RETREG2: variants seen among roughly 807,000 people sequenced by gnomAD.
The protein encoded by RETREG2 is reticulophagy regulator 2.
Under a neutral mutation model 51.6 loss-of-function variants are expected in RETREG2, and 21 were observed. That is an observed-to-expected ratio of 0.41 (90% CI 0.29 to 0.59). The LOEUF is 0.59. Ranked by LOEUF, RETREG2 falls within the 20% of genes least tolerant of loss-of-function variation. The probability of loss-of-function intolerance (pLI) is 0.34; values close to 1 mark genes in which losing one functional copy is unlikely to be tolerated. For synonymous variants in RETREG2, 339 were observed against 288.6 expected (o/e 1.17, Z -1.77); for missense variants, 674 against 646.0 (o/e 1.04, Z -0.47).
Position 219,180,481 on chromosome 2 carries a change from C to T in RETREG2, c.556-189C>T, listed in dbSNP as rs543075382. 1.5e-4 allele frequency among the ~76,000 whole-genome samples: 23 copies of T among 152,360 alleles called. No homozygotes were observed. In the East Asian group the frequency reaches 4.2e-3, roughly 28 times the overall value. On this transcript the variant is annotated intron_variant, in intron 4 of 8. Transcript: ENST00000430297. ...TGCCAAGGCAGACCAGTGTGAATTA[C>T]AGGTGGTGGGCATTATGTATTGCCA...
At chr2:219,178,767 C>T in intron 1 of RETREG2, 134 bp downstream of exon 1, 1 of 1,180,712 alleles carries the variant, frequency 8.5e-7, no homozygotes, top group Non-Finnish European at 1.2e-6. Context: ...CTGACATCCG[C>T]TTGAATTGCC....
rs943833685 is a variant in RETREG2, at chr2:219,179,165, G to T, written c.388+137G>T. On this transcript the variant is annotated intron_variant, in intron 2 of 8. Coordinates refer to ENST00000430297, the MANE Select transcript of RETREG2 (RefSeq NM_024293.6). ...GCATGGCCCACTTCCTTTTTGTACGGAATTCCCTAAAATGAGAATTGCCCC... is the reference window on the plus strand; with the variant it reads ...GCATGGCCCACTTCCTTTTTGTACGTAATTCCCTAAAATGAGAATTGCCCC... 25 of 733,898 alleles carry T rather than the reference G, an allele frequency of 3.4e-5. No individual in the cohort carries two copies. In the South Asian group the frequency reaches 3.6e-4, roughly 11 times the overall value. The allele number at this position is 733,898 out of a possible 1,614,324, so 45.5% of individuals were successfully genotyped here. A position where few individuals can be genotyped will look rare whatever the true frequency, so the allele number is the denominator to read the frequency against.
chr2:219,178,436 G>C lies in RETREG2; in HGVS notation c.84G>C (p.Leu28=). ...MGLSLGLGLG[L]SLGMSEATSE... ...TGAGCCTGGGCCTGGGTCTGGGTCT[G>C]AGCCTAGGCATGAGTGAGGCCACCA... Residue 28 remains leucine, a synonymous_variant, in exon 1 of 9, where the codon CTG becomes CTC. Transcript: ENST00000430297. The C allele has an allele frequency of 1.4e-6, 1 of 705,308 alleles. No individual in the cohort carries two copies. The highest frequency in any genetic ancestry group is 2.2e-6 in the Non-Finnish European group (1 of 445,732). 43.7% of individuals were successfully genotyped at this position (705,308 alleles called of 1,614,324 possible).
In RETREG2 at chr2:219,184,528, G is replaced by C. The variant is rs1950323877; in HGVS notation, c.*1899G>C. On this transcript the variant is annotated 3_prime_UTR_variant, in exon 9 of 9. Coordinates refer to ENST00000430297, the MANE Select transcript of RETREG2 (RefSeq NM_024293.6). ...TCACATTTGACTGAGAATCATTCTA[G>C]GGTTTGATTGAGCCCCTGTCCTGTG... The C allele has an allele frequency of 6.6e-6, 1 of 152,066 alleles. No homozygotes were observed. The highest frequency in any genetic ancestry group is 2.4e-5 in the African/African-American group (1 of 41,384). The allele number at this position is 152,066 out of a possible 1,614,324, so 9.4% of individuals were successfully genotyped here.
chr2:219,179,734 A>G lies in RETREG2; in HGVS notation c.390A>G (p.Ala130=). 3 of 1,614,048 alleles carry G rather than the reference A, an allele frequency of 1.9e-6. No homozygotes were observed. Among genetic ancestry groups the G allele is most frequent in the Non-Finnish European group, 2.5e-6 (3 of 1,179,954 alleles). ...WQPRFLPDVS[A]SSPEEPHSDS... ...TTTGCCCCCCTCCTCTCTCTCTAGC[A>G]TCATCCCCAGAGGAGCCACACTCTG... Residue 130 remains alanine, a splice_region_variant and synonymous_variant, in exon 3 of 9, where the codon GCA becomes GCG. Coordinates refer to ENST00000430297, the MANE Select transcript of RETREG2 (RefSeq NM_024293.6).
rs777965270 is a variant in RETREG2, at chr2:219,178,495, C to T, written c.143C>T (p.Ala48Val). 5.4e-6 allele frequency: 7 copies of T among 1,287,258 alleles called. No homozygotes were observed. The East Asian group carries it at 1.2e-4, about 22-fold the overall frequency. The allele number at this position is 1,287,258 out of a possible 1,614,324, so 79.7% of individuals were successfully genotyped here. The part of the protein sequence containing the change: ...EAEEEAATAE[A>V]VGRLATTLWL... ...GAGGAGGAGGCGGCCACGGCCGAGG[C>T]GGTGGGACGCCTGGCCACGACGCTG... is the stretch of plus-strand genomic sequence containing the variant. Residue 48 changes from alanine to valine, a missense_variant, in exon 1 of 9, where the codon GCG becomes GTG. Ala to Val is a moderately conservative substitution (Grantham distance 64). Coordinates refer to ENST00000430297, the MANE Select transcript of RETREG2 (RefSeq NM_024293.6).
Position 219,179,032 on chromosome 2 carries a change from AGT to A in RETREG2, c.388+7_388+8del. On this transcript the variant is annotated splice_donor_5th_base_variant and intron_variant, in intron 2 of 8. Coordinates refer to ENST00000430297, the MANE Select transcript of RETREG2 (RefSeq NM_024293.6). ...CGCTTTCTCCCTGACGTTTCAGGTG[AGT>A]GTTTCTTCATTCAGTAAGCACCCAT... is the stretch of plus-strand genomic sequence containing the variant. 1 of 1,600,444 alleles carries A rather than the reference AGT, an allele frequency of 6.2e-7. No homozygotes were observed.
In RETREG2 at chr2:219,181,614, C is replaced by T. The variant is rs536586367; in HGVS notation, c.880-26C>T. 81 of 1,612,318 alleles carry T rather than the reference C, an allele frequency of 5.0e-5. No homozygotes were observed. In the East Asian group the frequency reaches 1.0e-3, roughly 21 times the overall value. The stretch of plus-strand genomic sequence containing the variant: ...TTGGTTCTCTTATCCCCTCACATGT[C>T]GTGTTCATCCTGGTTCTCCTGCCAG... On this transcript the variant is annotated intron_variant, in intron 7 of 8. Transcript: ENST00000430297.
At position 219,181,344 on chromosome 2, in the gene RETREG2, T is replaced by G. The variant is rs774646859; in HGVS notation, c.785-25T>G. On this transcript the variant is annotated intron_variant, in intron 6 of 8. Coordinates refer to ENST00000430297, the MANE Select transcript of RETREG2 (RefSeq NM_024293.6). Reference sequence around the variant, plus strand: ...CCTCCCATCATTCATGCTTGGTCATTGCTCTACTACTCTTGCTTTTCTAGA... The same window carrying G: ...CCTCCCATCATTCATGCTTGGTCATGGCTCTACTACTCTTGCTTTTCTAGA... The G allele has an allele frequency of 3.7e-5, 59 of 1,610,978 alleles. No homozygotes were observed. The highest frequency in any genetic ancestry group is 5.0e-5 in the Admixed American group (3 of 59,992).
rs1950220922 is a variant in RETREG2, at chr2:219,178,516, C to T, written c.164C>T (p.Thr55Met). The T allele has an allele frequency of 1.4e-6, 2 of 1,405,090 alleles. No individual in the cohort carries two copies. The highest frequency in any genetic ancestry group is 1.9e-6 in the Non-Finnish European group (2 of 1,078,856). 87.0% of individuals were successfully genotyped at this position (1,405,090 alleles called of 1,614,324 possible). The change falls in exon 1 of 9, where the codon ACG (threonine) becomes ATG (methionine). Residue 55 changes from threonine to methionine, a missense_variant. Thr to Met is a moderately conservative substitution (Grantham distance 81). Transcript: ENST00000430297. ...GAGGCGGTGGGACGCCTGGCCACGA[C>T]GCTGTGGCTGCGGCTCCGCGGCTGG... The part of the protein sequence containing the change: ...TAEAVGRLAT[T>M]LWLRLRGWEA...
rs1291661510 is a variant in RETREG2 at position 219,184,404 on chromosome 2, C to T, written c.*1775C>T. 1 of 152,038 alleles carries T rather than the reference C, an allele frequency of 6.6e-6. No individual in the cohort carries two copies. The highest frequency in any genetic ancestry group is 2.4e-5 in the African/African-American group (1 of 41,402). The allele number at this position is 152,038 out of a possible 1,614,324, so 9.4% of individuals were successfully genotyped here. A position where few individuals can be genotyped will look rare whatever the true frequency, so the allele number is the denominator to read the frequency against. On this transcript the variant is annotated 3_prime_UTR_variant, in exon 9 of 9. Coordinates refer to ENST00000430297, the MANE Select transcript of RETREG2 (RefSeq NM_024293.6). The stretch of plus-strand genomic sequence containing the variant: ...GGTACCATATGGTAATGCTGCCTGG[C>T]TGTCTGCTGGAGGTACCATATGGTA...
chr2:219,180,061 T>C (rs773803688), intron 3 of RETREG2, 49 bp from the exon 4 acceptor site: 13 of 1,609,074 alleles, frequency 8.1e-6, no homozygotes, highest in Non-Finnish European at 1.1e-5. Context: ...TTTAAGTGTC[T>C]AGGAAGCTGG....
intron 6 of RETREG2, 59 bp downstream of exon 6, chr2:219,181,264 C>A: frequency 6.2e-7 from 1 of 1,609,540 alleles, no homozygotes; most frequent in Non-Finnish European, 8.5e-7. Flanking sequence ...GCTTGGGGTT[C>A]ATGAGATGCC....
chr2:219,181,788 C>T lies in RETREG2; in HGVS notation c.1015+13C>T, dbSNP rs1402843863. 1.3e-5 allele frequency: 21 copies of T among 1,608,450 alleles called. No homozygotes were observed. Among genetic ancestry groups the T allele is most frequent in the Non-Finnish European group, 1.7e-5 (20 of 1,176,486 alleles). On this transcript the variant is annotated intron_variant, in intron 8 of 8. Transcript: ENST00000430297. ...GATGTCTCCGAGGGTATGGGGAGCC[C>T]TTTGCTGCCCTGCTCCCCGCCACAA...
chr2:219,184,824 G>GTTTT lies in RETREG2; in HGVS notation c.*2195_*2196insTTTT, dbSNP rs1559224153. 1.6e-4 allele frequency: 6 copies of GTTTT among 36,462 alleles called. No individual in the cohort carries two copies. In the East Asian group the frequency reaches 2.3e-3, roughly 14 times the overall value. 2.3% of individuals were successfully genotyped at this position (36,462 alleles called of 1,614,324 possible). ...TTGTTTTGGTTTTTTGTTTTTTGTG[G>GTTTT]GTTTTTTTTTTTTTTTTTTTGAGAC... On this transcript the variant is annotated 3_prime_UTR_variant, in exon 9 of 9. Coordinates refer to ENST00000430297, the MANE Select transcript of RETREG2 (RefSeq NM_024293.6).
In RETREG2 at chr2:219,181,342, ATTGCTCTACTACTC is replaced by A. The variant is rs1950275961; in HGVS notation, c.785-21_785-8del. 2 of 1,611,020 alleles carry A rather than the reference ATTGCTCTACTACTC, an allele frequency of 1.2e-6. No individual in the cohort carries two copies. The highest frequency in any genetic ancestry group is 2.2e-5 in the South Asian group (2 of 91,028). Reference sequence around the variant, plus strand: ...CCCCTCCCATCATTCATGCTTGGTCATTGCTCTACTACTCTTGCTTTTCTAGAGCGTCAGGGGAA... The same window carrying A: ...CCCCTCCCATCATTCATGCTTGGTCATTGCTTTTCTAGAGCGTCAGGGGAA... On this transcript the variant is annotated splice_polypyrimidine_tract_variant and intron_variant, in intron 6 of 8. Transcript: ENST00000430297.
Position 219,182,973 on chromosome 2 carries a change from T to G in RETREG2, c.*344T>G. ...CCCTGGTGGTCTGGCCCTTTCTTTT[T>G]CCTCCTATCCTCAGGGACCTGTGCT... On this transcript the variant is annotated 3_prime_UTR_variant, in exon 9 of 9. Coordinates refer to ENST00000430297, the MANE Select transcript of RETREG2 (RefSeq NM_024293.6). 1 of 313,622 alleles carries G rather than the reference T, an allele frequency of 3.2e-6. No homozygotes were observed. Among genetic ancestry groups the G allele is most frequent in the Non-Finnish European group, 6.1e-6 (1 of 164,788 alleles). 19.4% of individuals were successfully genotyped at this position (313,622 alleles called of 1,614,324 possible). A position where few individuals can be genotyped will look rare whatever the true frequency, so the allele number is the denominator to read the frequency against.
In RETREG2 at chr2:219,181,179, CCCT is replaced by C; in HGVS notation, c.759_761del (p.Leu254del). The stretch of plus-strand genomic sequence containing the variant: ...TACAGCATGAAGGCAGAAGCCAATG[CCCT>C]GCATCACAAACACGACAAGAGGAGT... On this transcript the variant is annotated inframe_deletion, in exon 6 of 9. Transcript: ENST00000430297. 1.2e-6 allele frequency: 2 copies of C among 1,614,100 alleles called. No individual in the cohort carries two copies. The highest frequency in any genetic ancestry group is 1.7e-6 in the Non-Finnish European group (2 of 1,180,026).
chr2:219,184,401 TGGC>T lies in RETREG2; in HGVS notation c.*1773_*1775del, dbSNP rs1950322213. On this transcript the variant is annotated 3_prime_UTR_variant, in exon 9 of 9. Coordinates refer to ENST00000430297, the MANE Select transcript of RETREG2 (RefSeq NM_024293.6). ...GGAGGTACCATATGGTAATGCTGCC[TGGC>T]TGTCTGCTGGAGGTACCATATGGTA... is the stretch of plus-strand genomic sequence containing the variant. 45 of 152,068 alleles carry T rather than the reference TGGC, an allele frequency of 3.0e-4. 1 individual carries two copies. Among genetic ancestry groups the T allele is most frequent in the Admixed American group, 3.0e-3 (45 of 15,254 alleles). 9.4% of individuals were successfully genotyped at this position (152,068 alleles called of 1,614,324 possible). A position where few individuals can be genotyped will look rare whatever the true frequency, so the allele number is the denominator to read the frequency against.
Sources: gnomAD v4.1 joint callset for allele counts (sites outside exome capture counted in the v4.1 genomes callset) on GRCh38, gnomAD v4.1.1 for gene constraint, MANE v1.5 for transcripts, NCBI Gene and HGNC (gene_info 2026-07-23, HGNC 2026-07-21) for gene names.